The following NPAT variants were observed in gnomAD, a reference collection of about 807,000 sequenced individuals.
NPAT encodes the protein nuclear protein, coactivator of histone transcription.
A neutral mutation model predicts 130.7 loss-of-function variants in NPAT; 52 were observed. The observed-to-expected ratio is 0.40, with a 90% CI of 0.32 to 0.50. The LOEUF (loss-of-function observed/expected upper bound fraction) is 0.50. Ranked by LOEUF, NPAT falls within the 20% of genes least tolerant of loss-of-function variation. NPAT has a pLI of 0.68. For synonymous variants in NPAT, 580 were observed against 584.8 expected (o/e 0.99, Z 0.12); for missense variants, 1,687 against 1,662.6 (o/e 1.01, Z -0.26).
At chr11:108,219,288 C>T (rs938047548) in intron 1 of NPAT, among the ~76,000 whole-genome samples, 1 of 152,160 alleles carries the variant, frequency 6.6e-6, no homozygotes, top group African/African-American at 2.4e-5. Flanking sequence ...AAGTCTTCCA[C>T]GTTCCGCAGT....
Position 108,161,360 on chromosome 11 carries a change from A to G in NPAT, c.3726T>C (p.Ile1242=), listed in dbSNP as rs974492327. The G allele has an allele frequency of 1.2e-6, 2 of 1,614,186 alleles. No homozygotes were observed. Among genetic ancestry groups the G allele is most frequent in the African/African-American group, 2.7e-5 (2 of 75,038 alleles). The change falls in exon 17 of 18, where the codon ATT becomes ATC. Residue 1242 remains isoleucine (I), a synonymous_variant. Coordinates refer to ENST00000278612, the MANE Select transcript of NPAT (RefSeq NM_002519.3). ...QEQTKSASSL[I]TTEMLQDIQR... The stretch of plus-strand genomic sequence containing the variant: ...GTATATCCTGTAACATTTCTGTGGT[A>G]ATCAAAGAACTGGCGGATTTAGTTT...
chr11:108,159,690 G>A (rs1020547021), intron 17 of NPAT, among the ~76,000 whole-genome samples: 4 of 152,096 alleles, frequency 2.6e-5, no homozygotes, highest in African/African-American at 9.7e-5. Context: ...TCCCTGCACT[G>A]CCTTCCTAGA....
chr11:108,164,428 T>C (rs1240703225), intron 15 of NPAT, among the ~76,000 whole-genome samples: 4 of 152,150 alleles, frequency 2.6e-5, no homozygotes, highest in South Asian at 2.1e-4. Context: ...TGTGGATATG[T>C]AGGTTATTAA....
At chr11:108,218,303 A>G (rs781186886) in intron 1 of NPAT, among the ~76,000 whole-genome samples, 12 of 152,172 alleles carry the variant, frequency 7.9e-5, no homozygotes, top group African/African-American at 1.2e-4. Context: ...AAAGAGAAGA[A>G]AGGATAAGAT....
chr11:108,217,459 T>C (rs751085074), intron 1 of NPAT, among the ~76,000 whole-genome samples: 83 of 152,218 alleles, frequency 5.5e-4, no homozygotes, highest in Non-Finnish European at 8.8e-4. Flanking sequence ...ATATATCAGT[T>C]AGCCTATGGT....
At chr11:108,173,908 G>GT in intron 12 of NPAT, 57 bp from the exon 13 acceptor site, 3 of 1,490,226 alleles carry the variant, frequency 2.0e-6, no homozygotes, top group Non-Finnish European at 2.8e-6. Flanking sequence ...TTCTGAGGTA[G>GT]TCATTTTTGC....
At position 108,172,773 on chromosome 11, in the gene NPAT, G is replaced by A. The variant is rs188426778; in HGVS notation, c.2211C>T (p.Ile737=). The A allele has an allele frequency of 1.4e-4, 221 of 1,613,544 alleles. 1 individual carries two copies. The East Asian group carries it at 4.0e-3, about 29-fold the overall frequency. ...CACTAATGATAACTTTGAGAGAGAC[G>A]ATATTTGATGCATCTATCTCTGCTG... ...NNSAEIDASN[I]VSLKVIISDD... is the part of the protein sequence containing the mutation. The change falls in exon 13 of 18, where the codon ATC becomes ATT. Residue 737 remains isoleucine, a synonymous_variant. Coordinates refer to ENST00000278612, the MANE Select transcript of NPAT (RefSeq NM_002519.3).
At position 108,172,835 on chromosome 11, in the gene NPAT, A is replaced by G. The variant is rs1480597765; in HGVS notation, c.2149T>C (p.Ser717Pro). The G allele has an allele frequency of 1.1e-5, 17 of 1,613,858 alleles. No homozygotes were observed. The East Asian group carries it at 3.6e-4, about 34-fold the overall frequency. Residue 717 changes from serine to proline, a missense_variant, in exon 13 of 18, where the codon TCC becomes CCC. By Grantham distance (74) the Ser-to-Pro change is moderately conservative. Coordinates refer to ENST00000278612, the MANE Select transcript of NPAT (RefSeq NM_002519.3). ...CSSVGDSHPE[S>P]QNTDDKPSSN... is the part of the protein sequence containing the mutation. The stretch of plus-strand genomic sequence containing the variant: ...GAAGGTTTATCATCAGTATTTTGGG[A>G]CTCAGGGTGAGAATCTCCCACTGAA...
At chr11:108,190,050 G>A (rs1303189994) in intron 5 of NPAT, among the ~76,000 whole-genome samples, 3 of 151,702 alleles carry the variant, frequency 2.0e-5, no homozygotes, top group African/African-American at 4.8e-5. Context: ...GGTGGCTCAC[G>A]CCTGTAATCC....
At chr11:108,205,552 A>C (rs1269609688) in intron 1 of NPAT, among the ~76,000 whole-genome samples, 2 of 152,212 alleles carry the variant, frequency 1.3e-5, no homozygotes, top group Non-Finnish European at 2.9e-5. Flanking sequence ...TACAGGAGTA[A>C]GCCACCACAG....
Position 108,169,744 on chromosome 11 carries a change from C to T in NPAT, c.3010G>A (p.Gly1004Arg), listed in dbSNP as rs1231312798. Residue 1004 changes from glycine to arginine, a missense_variant and splice_region_variant, in exon 15 of 18, where the codon GGA becomes AGA. Coordinates refer to ENST00000278612, the MANE Select transcript of NPAT (RefSeq NM_002519.3). ...ACATTAATGAAATTAAAAATGGTACCTATACAAGGCTTGTTTCTTAGTCCC... is the reference window on the plus strand; with the variant it reads ...ACATTAATGAAATTAAAAATGGTACTTATACAAGGCTTGTTTCTTAGTCCC... ...AQGLRNKPCI[G>R]KQVNNLVDSS... The T allele has an allele frequency of 1.9e-6, 3 of 1,587,036 alleles. No homozygotes were observed. The highest frequency in any genetic ancestry group is 2.6e-6 in the Non-Finnish European group (3 of 1,155,344).
intron 11 of NPAT, 82 bp downstream of exon 11, chr11:108,176,912 G>T: frequency 2.4e-6 from 2 of 841,444 alleles, no homozygotes; most frequent in African/African-American, 1.7e-5. Flanking sequence ...ATACTCTGGG[G>T]AATGTTGATT....
intron 15 of NPAT, among the ~76,000 whole-genome samples, chr11:108,167,001 T>A (rs2077907879): frequency 2.0e-5 from 3 of 152,218 alleles, no homozygotes; most frequent in African/African-American, 7.2e-5. Flanking sequence ...CTTTATCATT[T>A]TTGTGGTCAT....
In NPAT at chr11:108,173,555, T is replaced by C. The variant is rs755219078; in HGVS notation, c.1429A>G (p.Thr477Ala). The change falls in exon 13 of 18, where the codon ACT becomes GCT. Residue 477 changes from threonine to alanine, a missense_variant. This residue lies in a region of NPAT where 1,379 missense variants were observed against 1,346.6 expected (regional missense o/e 1.02). Coordinates refer to ENST00000278612, the MANE Select transcript of NPAT (RefSeq NM_002519.3). Reference protein sequence around the residue: ...CAELYTNQMSTETEMAIGIEK... With the variant: ...CAELYTNQMSAETEMAIGIEK... ...ATCCCTATAGCCATTTCAGTTTCAG[T>C]GGACATCTGATTGGTGTATAATTCA... 4 of 1,614,226 alleles carry C rather than the reference T, an allele frequency of 2.5e-6. No individual in the cohort carries two copies. The highest frequency in any genetic ancestry group is 3.4e-6 in the Non-Finnish European group (4 of 1,180,032).
intron 15 of NPAT, among the ~76,000 whole-genome samples, chr11:108,169,167 GA>G (rs539056428): frequency 2.0e-5 from 3 of 152,198 alleles, no homozygotes; most frequent in Non-Finnish European, 4.4e-5. Context: ...TTTTAAGAGT[GA>G]CTACCAGGTT....
intron 10 of NPAT, among the ~76,000 whole-genome samples, chr11:108,181,564 G>A (rs1362387464): frequency 1.3e-5 from 2 of 151,986 alleles, no homozygotes; most frequent in East Asian, 1.9e-4. Flanking sequence ...TGTCAAGATC[G>A]TAAATTATAT....
intron 1 of NPAT, among the ~76,000 whole-genome samples, chr11:108,204,133 T>C (rs999344179): frequency 1.3e-5 from 2 of 152,146 alleles, no homozygotes; most frequent in Non-Finnish European, 2.9e-5. Flanking sequence ...GATGTACTTC[T>C]TCAGAGGGAG....
intron 1 of NPAT, among the ~76,000 whole-genome samples, chr11:108,219,827 C>CA (rs1014220405): frequency 1.3e-5 from 2 of 151,734 alleles, no homozygotes; most frequent in Admixed American, 6.6e-5. Flanking sequence ...TATATTTTAT[C>CA]AAAAAAAAGT....
At chr11:108,209,477 A>C (rs1446183617) in intron 1 of NPAT, among the ~76,000 whole-genome samples, 1 of 152,040 alleles carries the variant, frequency 6.6e-6, no homozygotes, top group Admixed American at 6.5e-5. Context: ...CCAGTAGTTC[A>C]GGAGTTCAAG....
Sources: allele counts gnomAD v4.1 joint callset (sites outside exome capture counted in the v4.1 genomes callset), GRCh38; gene constraint gnomAD v4.1.1; regional missense constraint gnomAD v4.1.1; transcripts MANE v1.5; gene names NCBI Gene and HGNC (gene_info 2026-07-23, HGNC 2026-07-21).